Variants in TMBIM6 observed in about 807,000 individuals in gnomAD.
TMBIM6 encodes bax inhibitor 1.
A neutral mutation model predicts 31.4 loss-of-function variants in TMBIM6; 13 were observed. That is an observed-to-expected ratio of 0.41 (90% CI 0.27 to 0.66). TMBIM6 has a LOEUF of 0.66. Ranked by LOEUF, TMBIM6 falls within the 30% of genes least tolerant of loss-of-function variation. The pLI is 0.28. For synonymous variants in TMBIM6, 85 were observed against 101.7 expected (o/e 0.84, Z 0.99); for missense variants, 275 against 289.5 (o/e 0.95, Z 0.36).
chr12:49,742,957 G>C (rs1017024279), intron 1 of TMBIM6, among the ~76,000 whole-genome samples: 2 of 150,600 alleles, frequency 1.3e-5, no homozygotes, highest in South Asian at 4.2e-4. Flanking sequence ...TCTGGTTGTG[G>C]AAACATGGTT....
In TMBIM6 at chr12:49,764,723, G is replaced by A. The variant is rs1063466; in HGVS notation, c.*1827G>A. On this transcript the variant is annotated 3_prime_UTR_variant, in exon 10 of 10. Coordinates refer to ENST00000267115, the MANE Select transcript of TMBIM6 (RefSeq NM_003217.3). ...ATGACAAGATATTAAAAAAAAAAAA[G>A]AAAGAAAAAAAAAAAAACACCTACT... The A allele has an allele frequency of 0.042, 4,495 of 107,938 alleles. 129 individuals carry two copies. The highest frequency in any genetic ancestry group is 0.11 in the African/African-American group (2,527 of 22,912). 6.7% of individuals were successfully genotyped at this position (107,938 alleles called of 1,614,324 possible). A position where few individuals can be genotyped will look rare whatever the true frequency, so the allele number is the denominator to read the frequency against.
chr12:49,755,616 T>C lies in TMBIM6; in HGVS notation c.166-19T>C, dbSNP rs1343782342. ...AAACTTTCAAGTGTTTAATGATTGA[T>C]TGATTCTGACTCTAACAGGCTGGCC... On this transcript the variant is annotated intron_variant, in intron 3 of 9. Transcript: ENST00000267115. 3 of 1,608,322 alleles carry C rather than the reference T, an allele frequency of 1.9e-6. No homozygotes were observed. The highest frequency in any genetic ancestry group is 1.3e-5 in the African/African-American group (1 of 74,718).
chr12:49,756,679 C>T (rs887152640), intron 4 of TMBIM6, among the ~76,000 whole-genome samples: 54 of 151,742 alleles, frequency 3.6e-4, no homozygotes, highest in Admixed American at 1.4e-3. Context: ...CTCGCCTCAG[C>T]CTCCCAAAAT....
In TMBIM6 at chr12:49,759,234, T is replaced by G; in HGVS notation, c.527T>G (p.Val176Gly). The G allele has an allele frequency of 6.2e-7, 1 of 1,614,148 alleles. No individual in the cohort carries two copies. The highest frequency in any genetic ancestry group is 8.5e-7 in the Non-Finnish European group (1 of 1,179,996). ...SIWLFQANLY[V>G]GLVVMCGFVL... The stretch of plus-strand genomic sequence containing the variant: ...TACATTTGTTAGGCAAACCTGTATG[T>G]GGGACTGGTGGTCATGTGTGGCTTC... The change falls in exon 8 of 10, where the codon GTG becomes GGG. Residue 176 changes from valine to glycine, a missense_variant. Coordinates refer to ENST00000267115, the MANE Select transcript of TMBIM6 (RefSeq NM_003217.3).
At chr12:49,758,503 G>A (rs1425221463) in intron 6 of TMBIM6, 23 bp downstream of exon 6, 1 of 1,611,268 alleles carries the variant, frequency 6.2e-7, no homozygotes, top group South Asian at 1.1e-5. Context: ...TGGGAAACAG[G>A]GAATGGGGGC....
chr12:49,758,513 C>T (rs766776891), intron 6 of TMBIM6, 33 bp downstream of exon 6: 2 of 1,606,520 alleles, frequency 1.2e-6, no homozygotes, highest in Non-Finnish European at 1.7e-6. Context: ...GGAATGGGGG[C>T]TCCTTTTTAG....
rs565136537 is a variant in TMBIM6 at position 49,761,671 on chromosome 12, A to G, written c.615-33A>G. On this transcript the variant is annotated intron_variant, in intron 8 of 9. Transcript: ENST00000267115. ...TGGGCTTGTGGATAAAAAAGTCTGA[A>G]GTACAGATCCTAATCTGGTTCTTGC... 4.4e-5 allele frequency: 71 copies of G among 1,607,838 alleles called. No homozygotes were observed. In the South Asian group the frequency reaches 6.9e-4, roughly 16 times the overall value.
chr12:49,742,244 C>T (rs752987462), intron 1 of TMBIM6: 7 of 1,609,554 alleles, frequency 4.3e-6, no homozygotes, highest in Non-Finnish European at 5.1e-6. Context: ...GCCCACGGGG[C>T]GGCCCCGCTC....
intron 1 of TMBIM6, chr12:49,744,409 C>G (rs1245637246): frequency 6.6e-6 from 1 of 152,050 alleles, no homozygotes; most frequent in Non-Finnish European, 1.5e-5. Context: ...TTTTGTTCCC[C>G]CAGAGTTTCT....
rs1443804090 is a variant in TMBIM6 at position 49,763,985 on chromosome 12, C to T, written c.*1089C>T. 1 of 152,196 alleles carries T rather than the reference C, an allele frequency of 6.6e-6. No individual in the cohort carries two copies. The highest frequency in any genetic ancestry group is 1.9e-4 in the East Asian group (1 of 5,198). The allele number at this position is 152,196 out of a possible 1,614,324, so 9.4% of individuals were successfully genotyped here. The stretch of plus-strand genomic sequence containing the variant: ...ATTTTAGTCTGTCTCCAACTGGACA[C>T]CAGTAGGTAGTGTCAAGCCAGAGAT... On this transcript the variant is annotated 3_prime_UTR_variant, in exon 10 of 10. Transcript: ENST00000267115.
rs752463413 is a variant in TMBIM6 at position 49,752,630 on chromosome 12, G to C, written c.56+81G>C. 1.6e-3 allele frequency: 1,875 copies of C among 1,209,296 alleles called. 4 individuals are homozygous for C. The highest frequency in any genetic ancestry group is 1.9e-3 in the Non-Finnish European group (1,586 of 828,904). The allele number at this position is 1,209,296 out of a possible 1,614,324, so 74.9% of individuals were successfully genotyped here. A position where few individuals can be genotyped will look rare whatever the true frequency, so the allele number is the denominator to read the frequency against. ...TCCCTTTTCTGCATTTATAACTTTT[G>C]TGTGTATAAGCTAACAAATTAACTT... On this transcript the variant is annotated intron_variant, in intron 2 of 9. Coordinates refer to ENST00000267115, the MANE Select transcript of TMBIM6 (RefSeq NM_003217.3).
chr12:49,758,249 G>A lies in TMBIM6; in HGVS notation c.309G>A (p.Leu103=). The A allele has an allele frequency of 6.2e-7, 1 of 1,614,218 alleles. No homozygotes were observed. Among genetic ancestry groups the A allele is most frequent in the African/African-American group, 1.3e-5 (1 of 75,052 alleles). The change falls in exon 5 of 10, where the codon CTG becomes CTA. Residue 103 remains leucine (L), a synonymous_variant. Transcript: ENST00000267115. ...TAGGAGTTGGCCTGGGCCCTGCCCTGGAGTTTTGTATTGCTGTCAACCCCA... is the reference window on the plus strand; with the variant it reads ...TAGGAGTTGGCCTGGGCCCTGCCCTAGAGTTTTGTATTGCTGTCAACCCCA... ...FLTGVGLGPA[L]EFCIAVNPSI... is the part of the protein sequence containing the mutation.
Position 49,752,093 on chromosome 12 carries a change from CAAT to C in TMBIM6, c.-30-370_-30-368del, listed in dbSNP as rs368234699. ...AAGGGAATTCTTTAGCATCTTGAAA[CAAT>C]GACATAAAATTGCTTTATGTGCCAA... On this transcript the variant is annotated intron_variant, in intron 1 of 9. Transcript: ENST00000267115. Among the ~76,000 whole-genome samples, 321 of 152,244 alleles carry C rather than the reference CAAT, an allele frequency of 2.1e-3. 1 individual carries two copies. Among genetic ancestry groups the C allele is most frequent in the Middle Eastern group, 0.01 (3 of 294 alleles).
intron 1 of TMBIM6, among the ~76,000 whole-genome samples, chr12:49,748,181 C>T (rs1945431268): frequency 6.6e-6 from 1 of 152,068 alleles, no homozygotes; most frequent in East Asian, 1.9e-4. Context: ...GGATTACAGG[C>T]GTGAGCCACC....
At chr12:49,759,164 G>GTTTTTTTTTTT in intron 7 of TMBIM6, 57 bp from the exon 8 acceptor site, 3 of 1,422,518 alleles carry the variant, frequency 2.1e-6, no homozygotes, top group Admixed American at 3.4e-5. Flanking sequence ...AGTATGGCTG[G>GTTTTTTTTTTT]TTTTTTTTTC....
chr12:49,742,406 C>A, intron 1 of TMBIM6: 1 of 1,269,260 alleles, frequency 7.9e-7, no homozygotes, highest in Middle Eastern at 2.3e-4. Context: ...AACAAGTAGG[C>A]TTTGGTATCT....
chr12:49,745,652 G>A (rs919805825), intron 1 of TMBIM6, among the ~76,000 whole-genome samples: 1 of 151,566 alleles, frequency 6.6e-6, no homozygotes, highest in Non-Finnish European at 1.5e-5. Context: ...TTGAACCCAG[G>A]AGGCAGAGGT....
intron 7 of TMBIM6, 140 bp downstream of exon 7, chr12:49,758,902 C>G: frequency 1.3e-6 from 1 of 756,522 alleles, no homozygotes; most frequent in Non-Finnish European, 2.1e-6. Flanking sequence ...TAGGATGGAG[C>G]CTTCTGCCAC....
intron 1 of TMBIM6, 140 bp from the exon 2 acceptor site, chr12:49,752,324 T>C: frequency 1.9e-6 from 1 of 522,614 alleles, no homozygotes; most frequent in Non-Finnish European, 3.3e-6. Context: ...CACATAAAAA[T>C]AAAAATGGTT....
Sources: gnomAD v4.1 joint callset for allele counts (sites outside exome capture counted in the v4.1 genomes callset) on GRCh38, gnomAD v4.1.1 for gene constraint, MANE v1.5 for transcripts, NCBI Gene and HGNC (gene_info 2026-07-23, HGNC 2026-07-21) for gene names.